Variants in DPYSL3 observed in about 807,000 individuals in gnomAD.
DPYSL3 encodes dihydropyrimidinase like 3.
A neutral mutation model predicts 66.1 loss-of-function variants in DPYSL3; 16 were observed. The observed-to-expected ratio is 0.24, with a 90% CI of 0.16 to 0.37. The LOEUF is 0.37. Ranked by LOEUF, DPYSL3 falls within the 10% of genes least tolerant of loss-of-function variation. The pLI is 1.00. For missense variants in DPYSL3, 738 were observed against 916.2 expected, an observed-to-expected ratio of 0.81 and a Z score of 2.51; for synonymous variants, 338 against 345.1, an observed-to-expected ratio of 0.98 and a Z score of 0.23.
At position 147,506,458 on chromosome 5, in the gene DPYSL3, G is replaced by A. The variant is rs184328885; in HGVS notation, c.381+3020C>T. On this transcript the variant is annotated intron_variant, in intron 1 of 13. Coordinates refer to ENST00000343218, the MANE Select transcript of DPYSL3 (RefSeq NM_001197294.2). ...AAAATTAAGTAACATAATGCACTTCGCCATGGTCATATCCCATCTGAAGCA... is the reference window on the plus strand; with the variant it reads ...AAAATTAAGTAACATAATGCACTTCACCATGGTCATATCCCATCTGAAGCA... 8.3e-4 allele frequency among the ~76,000 whole-genome samples: 126 copies of A among 152,144 alleles called. No homozygotes were observed. The Middle Eastern group carries it at 0.014, about 16-fold the overall frequency.
intron 2 of DPYSL3, 127 bp from the exon 3 acceptor site, chr5:147,418,758 A>C (rs1417965518): frequency 2.5e-6 from 2 of 807,272 alleles, no homozygotes; most frequent in Admixed American, 5.9e-5. Context: ...TAAACTTTGC[A>C]AGTGACTCAC....
chr5:147,397,406 G>A (rs951639078), intron 12 of DPYSL3, among the ~76,000 whole-genome samples: 10 of 151,780 alleles, frequency 6.6e-5, no homozygotes, highest in Non-Finnish European at 1.0e-4. Flanking sequence ...TGAATTATTC[G>A]AATTTAAATT....
intron 1 of DPYSL3, among the ~76,000 whole-genome samples, chr5:147,502,793 A>G (rs1052141614): frequency 6.6e-6 from 1 of 151,838 alleles, no homozygotes; most frequent in Non-Finnish European, 1.5e-5. Flanking sequence ...AGCCAGGATG[A>G]TCTCGATCTC....
chr5:147,443,025 A>G lies in DPYSL3; in HGVS notation c.382-18062T>C, dbSNP rs530398450. 1.8e-3 allele frequency among the ~76,000 whole-genome samples: 268 copies of G among 152,364 alleles called. 2 individuals carry two copies. The highest frequency in any genetic ancestry group is 2.7e-3 in the Non-Finnish European group (183 of 68,038). On this transcript the variant is annotated intron_variant, in intron 1 of 13. Coordinates refer to ENST00000343218, the MANE Select transcript of DPYSL3 (RefSeq NM_001197294.2). ...TAATTTTAAAATCCTTGTGTCCCAC[A>G]GTAAAACAGATAGTAGCAAAAACAC...
intron 1 of DPYSL3, among the ~76,000 whole-genome samples, chr5:147,470,669 T>C (rs1034473521): frequency 6.6e-6 from 1 of 152,170 alleles, no homozygotes; most frequent in Non-Finnish European, 1.5e-5. Context: ...CTAACTTGCA[T>C]TTTATGTTCC....
At chr5:147,493,992 A>C (rs1753458907) in intron 1 of DPYSL3, among the ~76,000 whole-genome samples, 1 of 152,166 alleles carries the variant, frequency 6.6e-6, no homozygotes, top group Non-Finnish European at 1.5e-5. Flanking sequence ...CAGGAGTTCA[A>C]GACCAGCCTG....
Position 147,509,881 on chromosome 5 carries a change from G to A in DPYSL3, c.-23C>T. 8 of 1,490,552 alleles carry A rather than the reference G, an allele frequency of 5.4e-6. No individual in the cohort carries two copies. The highest frequency in any genetic ancestry group is 7.1e-6 in the Non-Finnish European group (8 of 1,119,698). 92.3% of individuals were successfully genotyped at this position (1,490,552 alleles called of 1,614,324 possible). A position where few individuals can be genotyped will look rare whatever the true frequency, so the allele number is the denominator to read the frequency against. ...CATGGTTCAAGCACGAAAGCGGCCC[G>A]CGGGTTTTTCTTCCCCAGAGGCGGA... On this transcript the variant is annotated 5_prime_UTR_variant, in exon 1 of 14. Coordinates refer to ENST00000343218, the MANE Select transcript of DPYSL3 (RefSeq NM_001197294.2). This position sits in a 1 kb window ranked among gnomAD's most constrained non-coding sequence, Gnocchi z 5.3.
chr5:147,497,322 G>A (rs879818201), intron 1 of DPYSL3, among the ~76,000 whole-genome samples: 57 of 151,992 alleles, frequency 3.8e-4, no homozygotes, highest in Middle Eastern at 3.4e-3. Flanking sequence ...AATGGGTGCA[G>A]CATACCAGCA....
At chr5:147,439,536 G>A (rs1752491748) in intron 1 of DPYSL3, among the ~76,000 whole-genome samples, 1 of 152,204 alleles carries the variant, frequency 6.6e-6, no homozygotes, top group Non-Finnish European at 1.5e-5. Context: ...CCATGGTCTG[G>A]GTTTTAGTTG....
At chr5:147,397,644 T>C (rs1231082048) in intron 12 of DPYSL3, 22 bp downstream of exon 12, 1 of 1,607,282 alleles carries the variant, frequency 6.2e-7, no homozygotes, top group Admixed American at 1.7e-5. Flanking sequence ...CTGCACCACC[T>C]CAGAGCTCCA....
chr5:147,395,512 T>C (rs1436525209), intron 13 of DPYSL3, 47 bp downstream of exon 13: 2 of 1,566,672 alleles, frequency 1.3e-6, no homozygotes, highest in South Asian at 1.2e-5. Context: ...AACATTGATC[T>C]TCCCCTTCCC....
intron 6 of DPYSL3, 54 bp from the exon 7 acceptor site, chr5:147,408,850 A>G: frequency 6.4e-7 from 1 of 1,555,312 alleles, no homozygotes; most frequent in South Asian, 1.1e-5. Flanking sequence ...GATTTGGAAA[A>G]ATTACGCTGG....
At chr5:147,405,782 G>T (rs746239349) in intron 7 of DPYSL3, 52 bp from the exon 8 acceptor site, 10 of 1,574,734 alleles carry the variant, frequency 6.4e-6, no homozygotes, top group South Asian at 1.2e-5. Flanking sequence ...TCTCAAACTG[G>T]TGGCTCCCAC....
intron 1 of DPYSL3, among the ~76,000 whole-genome samples, chr5:147,465,700 C>T (rs1294295603): frequency 3.9e-5 from 6 of 152,146 alleles, no homozygotes; most frequent in Non-Finnish European, 8.8e-5. Context: ...GGCATATGAC[C>T]CGATAGTTGG....
chr5:147,501,864 A>T (rs1753617259), intron 1 of DPYSL3, among the ~76,000 whole-genome samples: 1 of 152,082 alleles, frequency 6.6e-6, no homozygotes, highest in African/African-American at 2.4e-5. Context: ...CTGTGTGTTT[A>T]TGGAGACAGG....
chr5:147,493,136 G>A (rs1340186825), intron 1 of DPYSL3, among the ~76,000 whole-genome samples: 1 of 152,178 alleles, frequency 6.6e-6, no homozygotes, highest in African/African-American at 2.4e-5. Flanking sequence ...TCAATTATCT[G>A]AGAAGGCATA....
At chr5:147,464,638 T>C (rs921079408) in intron 1 of DPYSL3, among the ~76,000 whole-genome samples, 1 of 152,190 alleles carries the variant, frequency 6.6e-6, no homozygotes, top group Non-Finnish European at 1.5e-5. Context: ...ATTAATGGTA[T>C]AGACAAGTAC....
chr5:147,457,512 A>G (rs1752871419), intron 1 of DPYSL3, among the ~76,000 whole-genome samples: 1 of 152,250 alleles, frequency 6.6e-6, no homozygotes, highest in South Asian at 2.1e-4. Context: ...ATTTTACAGT[A>G]TCTATATTTG....
chr5:147,408,669 C>T (rs764919136), intron 7 of DPYSL3, 59 bp downstream of exon 7: 17 of 1,566,398 alleles, frequency 1.1e-5, no homozygotes, highest in Non-Finnish European at 1.4e-5. Context: ...ACATTCTCGT[C>T]GCCTTTTAAC....
Sources: gnomAD v4.1 joint callset for allele counts (sites outside exome capture counted in the v4.1 genomes callset) on GRCh38, gnomAD v4.1.1 for gene constraint, Gnocchi (gnomAD v3.1) non-coding constraint, MANE v1.5 for transcripts, NCBI Gene and HGNC (gene_info 2026-07-23, HGNC 2026-07-21) for gene names.